Variants in UNC5D observed in about 807,000 individuals in gnomAD.
UNC5D encodes netrin receptor UNC5D.
Under a neutral mutation model 105.4 loss-of-function variants are expected in UNC5D, and 39 were observed. That is an observed-to-expected ratio of 0.37 (90% CI 0.29 to 0.48). UNC5D has a LOEUF of 0.48. Among genes scored for constraint, UNC5D ranks in the 20% least tolerant of loss-of-function variants. UNC5D has a pLI of 0.98. For synonymous variants in UNC5D, 452 were observed against 450.4 expected (o/e 1.00, Z -0.04); for missense variants, 991 against 1,202.4 (o/e 0.82, Z 2.60).
chr8:35,500,914 G>A lies in UNC5D; in HGVS notation c.104-48378G>A, dbSNP rs192625788. Among the ~76,000 whole-genome samples the A allele has an allele frequency of 4.7e-4, 72 of 152,022 alleles. 2 individuals carry two copies. The Middle Eastern group carries it at 0.01, about 22-fold the overall frequency. On this transcript the variant is annotated intron_variant, in intron 1 of 16. Transcript: ENST00000404895. Reference sequence around the variant, plus strand: ...ATAAGATCCAAAACCTTTCTAATAGGGGTTTGGAAATTGTTAAAATTCAAA... The same window carrying A: ...ATAAGATCCAAAACCTTTCTAATAGAGGTTTGGAAATTGTTAAAATTCAAA...
chr8:35,436,068 CAG>C (rs1310646348), intron 1 of UNC5D, among the ~76,000 whole-genome samples: 1 of 151,848 alleles, frequency 6.6e-6, no homozygotes, highest in African/African-American at 2.4e-5. Flanking sequence ...TTTGGAGTAT[CAG>C]AAAAATAGAT....
At chr8:35,271,980 G>C (rs1378572994) in intron 1 of UNC5D, among the ~76,000 whole-genome samples, 1 of 151,912 alleles carries the variant, frequency 6.6e-6, no homozygotes, top group Non-Finnish European at 1.5e-5. Flanking sequence ...ATGGATGGGA[G>C]CTCTTTTTAG....
intron 1 of UNC5D, among the ~76,000 whole-genome samples, chr8:35,353,917 A>T (rs1384644271): frequency 1.3e-5 from 2 of 152,138 alleles, no homozygotes; most frequent in East Asian, 3.9e-4. Context: ...AGGGAAGAGT[A>T]CTGACTGGCT....
In UNC5D at chr8:35,726,405, T is replaced by C. The variant is rs1189325324; in HGVS notation, c.1557T>C (p.Ser519=). ...CCCATGGAAACAACCACAGCTTTAG[T>C]ACAATGCATCCCAGAAATAAAATGC... ...TFPHGNNHSF[S]TMHPRNKMPY... is the part of the protein sequence containing the mutation. The change falls in exon 10 of 17, where the codon AGT becomes AGC. Residue 519 remains serine, a synonymous_variant. Transcript: ENST00000404895. 2 of 1,614,074 alleles carry C rather than the reference T, an allele frequency of 1.2e-6. No homozygotes were observed. Among genetic ancestry groups the C allele is most frequent in the Non-Finnish European group, 1.7e-6 (2 of 1,180,044 alleles).
At chr8:35,247,338 T>G (rs1803176661) in intron 1 of UNC5D, among the ~76,000 whole-genome samples, 1 of 150,296 alleles carries the variant, frequency 6.7e-6, no homozygotes, top group Non-Finnish European at 1.5e-5. Flanking sequence ...TGCAGTTTGG[T>G]GTAGCAGAAA....
At chr8:35,308,725 T>C (rs1472951876) in intron 1 of UNC5D, among the ~76,000 whole-genome samples, 1 of 152,176 alleles carries the variant, frequency 6.6e-6, no homozygotes, top group African/African-American at 2.4e-5. Flanking sequence ...TGTGAATCAA[T>C]AATGATTATT....
At chr8:35,236,245 G>A (rs1449800346) in intron 1 of UNC5D, among the ~76,000 whole-genome samples, 1 of 152,214 alleles carries the variant, frequency 6.6e-6, no homozygotes, top group African/African-American at 2.4e-5. Context: ...AGCCGAGCTT[G>A]GTCATGAGTT....
chr8:35,589,744 C>G (rs1819038239), intron 3 of UNC5D, among the ~76,000 whole-genome samples: 1 of 152,162 alleles, frequency 6.6e-6, no homozygotes, highest in Non-Finnish European at 1.5e-5. Context: ...ATAAACGAAT[C>G]ATACAATAAG....
intron 11 of UNC5D, among the ~76,000 whole-genome samples, chr8:35,734,335 C>CAAAAAAAAA (rs10657691): frequency 1.1e-4 from 3 of 28,288 alleles, no homozygotes; most frequent in African/African-American, 3.2e-4. Flanking sequence ...TAATCACTGT[C>CAAAAAAAAA]AAAAAAAAAA....
chr8:35,585,412 A>G, intron 3 of UNC5D, among the ~76,000 whole-genome samples: 1 of 152,152 alleles, frequency 6.6e-6, no homozygotes. Context: ...GCGTCCGTCC[A>G]AAGGTGGCCT....
intron 1 of UNC5D, among the ~76,000 whole-genome samples, chr8:35,416,815 C>T (rs1377449504): frequency 6.6e-6 from 1 of 152,122 alleles, no homozygotes; most frequent in Non-Finnish European, 1.5e-5. Flanking sequence ...AAGTATATAA[C>T]AATAATTTTA....
intron 8 of UNC5D, among the ~76,000 whole-genome samples, chr8:35,713,728 T>C (rs933789044): frequency 6.6e-6 from 1 of 152,052 alleles, no homozygotes; most frequent in Admixed American, 6.6e-5. Context: ...CTTGGAAGGA[T>C]GGTTGGAATT....
At chr8:35,513,200 GC>G (rs1812875635) in intron 1 of UNC5D, among the ~76,000 whole-genome samples, 1 of 148,162 alleles carries the variant, frequency 6.7e-6, no homozygotes, top group Non-Finnish European at 1.5e-5. Context: ...CATCTCCTTT[GC>G]CCTTTGCCTT....
Position 35,748,602 on chromosome 8 carries a change from T to C in UNC5D, c.1842T>C (p.Thr614=). 1 of 1,614,100 alleles carries C rather than the reference T, an allele frequency of 6.2e-7. No individual in the cohort carries two copies. The highest frequency in any genetic ancestry group is 8.5e-7 in the Non-Finnish European group (1 of 1,179,980). ...GTCCTCCAGACATGATCGTCACCAC[T>C]CCCTTTGCATTGACCATCCCGCACT... ...TCGPPDMIVT[T]PFALTIPHCA... The change falls in exon 12 of 17, where the codon ACT becomes ACC. Residue 614 remains threonine, a synonymous_variant. Transcript: ENST00000404895.
intron 1 of UNC5D, among the ~76,000 whole-genome samples, chr8:35,480,647 T>C (rs1394414519): frequency 1.3e-5 from 2 of 152,192 alleles, no homozygotes; most frequent in Non-Finnish European, 2.9e-5. Flanking sequence ...ACAATAAGAA[T>C]TTACAAAAGT....
At position 35,794,874 on chromosome 8, in the gene UNC5D, A is replaced by T. The variant is rs867679133; in HGVS notation, c.*4311A>T. 5 of 152,216 alleles carry T rather than the reference A, an allele frequency of 3.3e-5. No individual in the cohort carries two copies. The highest frequency in any genetic ancestry group is 1.2e-4 in the African/African-American group (5 of 41,442). The allele number at this position is 152,216 out of a possible 1,614,324, so 9.4% of individuals were successfully genotyped here. A position where few individuals can be genotyped will look rare whatever the true frequency, so the allele number is the denominator to read the frequency against. Reference sequence around the variant, plus strand: ...ACACTGTAATTCTTCGAAAAGTAACAGGGGATGGAAATCAGACCTGGCCGT... The same window carrying T: ...ACACTGTAATTCTTCGAAAAGTAACTGGGGATGGAAATCAGACCTGGCCGT... On this transcript the variant is annotated 3_prime_UTR_variant, in exon 17 of 17. Coordinates refer to ENST00000404895, the MANE Select transcript of UNC5D (RefSeq NM_080872.4).
intron 4 of UNC5D, among the ~76,000 whole-genome samples, chr8:35,606,614 C>T (rs1820310048): frequency 6.6e-6 from 1 of 152,132 alleles, no homozygotes; most frequent in South Asian, 2.1e-4. Flanking sequence ...GTCTATCATT[C>T]CTTTCTTTGT....
chr8:35,249,145 A>G (rs1296124402), intron 1 of UNC5D, among the ~76,000 whole-genome samples: 6 of 136,460 alleles, frequency 4.4e-5, no homozygotes, highest in Non-Finnish European at 9.2e-5. Flanking sequence ...AATTATATAT[A>G]AAATCTACAT....
chr8:35,579,201 T>C (rs1818311657), intron 3 of UNC5D, among the ~76,000 whole-genome samples: 1 of 152,190 alleles, frequency 6.6e-6, no homozygotes, highest in African/African-American at 2.4e-5. Flanking sequence ...TGGGGATTCT[T>C]TGAGCCTAGG....
Sources: allele counts gnomAD v4.1 joint callset (sites outside exome capture counted in the v4.1 genomes callset), GRCh38; gene constraint gnomAD v4.1.1; transcripts MANE v1.5; gene names NCBI Gene and HGNC (gene_info 2026-07-23, HGNC 2026-07-21).